Variants in GAREM1 observed in about 807,000 individuals in gnomAD.
The protein encoded by GAREM1 is GRB2-associated and regulator of MAPK protein 1.
A neutral mutation model predicts 71.3 loss-of-function variants in GAREM1; 26 were observed. The ratio of observed to expected loss-of-function variants is 0.36; its 90% CI spans 0.27 to 0.51. The LOEUF (loss-of-function observed/expected upper bound fraction) is 0.51. GAREM1 is among the 20% of genes least tolerant of loss of function. The probability of loss-of-function intolerance (pLI) is 0.95; values close to 1 mark genes in which losing one functional copy is unlikely to be tolerated. For missense variants in GAREM1, 1,026 were observed against 1,103.1 expected (o/e 0.93, Z 0.99); for synonymous variants, 440 against 433.2 (o/e 1.02, Z -0.20).
intron 2 of GAREM1, among the ~76,000 whole-genome samples, chr18:32,314,932 T>A (rs2047361665): frequency 6.6e-6 from 1 of 152,194 alleles, no homozygotes; most frequent in Non-Finnish European, 1.5e-5. Context: ...TGAACACATT[T>A]CAAGCTATCA....
At chr18:32,372,265 C>G (rs2047987770) in intron 2 of GAREM1, among the ~76,000 whole-genome samples, 1 of 152,166 alleles carries the variant, frequency 6.6e-6, no homozygotes, top group Non-Finnish European at 1.5e-5. Flanking sequence ...ATATTTACCC[C>G]AAGCCACCCT....
At chr18:32,465,385 T>G (rs2048989680) in intron 1 of GAREM1, among the ~76,000 whole-genome samples, 3 of 152,184 alleles carry the variant, frequency 2.0e-5, no homozygotes, top group Non-Finnish European at 4.4e-5. Context: ...GGGGCCTAAG[T>G]GTCCATGTTT....
intron 1 of GAREM1, among the ~76,000 whole-genome samples, chr18:32,454,165 C>T (rs949439044): frequency 2.6e-5 from 4 of 151,942 alleles, no homozygotes; most frequent in African/African-American, 9.7e-5. Flanking sequence ...TAGATTATCT[C>T]CCACCCTGTA....
At chr18:32,269,092 G>A (rs556605910) in intron 5 of GAREM1, among the ~76,000 whole-genome samples, 33 of 152,284 alleles carry the variant, frequency 2.2e-4, no homozygotes, top group African/African-American at 7.9e-4. Flanking sequence ...TGCACCAACA[G>A]GTGCCATGAT....
intron 3 of GAREM1, 87 bp downstream of exon 3, chr18:32,310,106 C>T (rs2047301602): frequency 2.1e-6 from 3 of 1,448,158 alleles, no homozygotes; most frequent in Admixed American, 3.8e-5. Context: ...CTAGGAGACA[C>T]AGATGAACAC....
intron 2 of GAREM1, among the ~76,000 whole-genome samples, chr18:32,330,809 T>C (rs1394959205): frequency 6.6e-6 from 1 of 152,086 alleles, no homozygotes; most frequent in Non-Finnish European, 1.5e-5. Flanking sequence ...TTATTTAATA[T>C]ATCAGGAAGG....
intron 2 of GAREM1, among the ~76,000 whole-genome samples, chr18:32,380,527 C>G (rs1394155402): frequency 1.4e-5 from 2 of 145,786 alleles, no homozygotes; most frequent in Non-Finnish European, 3.0e-5. Flanking sequence ...TAGCCTCTGT[C>G]TGTCCAAAAA....
At chr18:32,430,967 G>C (rs2048618766) in intron 1 of GAREM1, among the ~76,000 whole-genome samples, 1 of 152,170 alleles carries the variant, frequency 6.6e-6, no homozygotes, top group Non-Finnish European at 1.5e-5. Flanking sequence ...GGATATCACA[G>C]AGAGAAAGGA....
intron 4 of GAREM1, among the ~76,000 whole-genome samples, chr18:32,284,156 T>A (rs73956859): frequency 2.4e-3 from 368 of 152,210 alleles, no homozygotes; most frequent in African/African-American, 7.9e-3. Context: ...CCCACGCACA[T>A]CCTAAAAATG....
At chr18:32,306,464 C>CA (rs1033063787) in intron 3 of GAREM1, among the ~76,000 whole-genome samples, 1 of 138,424 alleles carries the variant, frequency 7.2e-6, no homozygotes, top group South Asian at 2.3e-4. Context: ...TTAGCAGCAA[C>CA]CCCCCCCACC....
intron 2 of GAREM1, among the ~76,000 whole-genome samples, chr18:32,315,986 T>A (rs928122831): frequency 6.6e-6 from 1 of 152,196 alleles, no homozygotes; most frequent in African/African-American, 2.4e-5. Flanking sequence ...GCGTCTGTGA[T>A]CTTGTACTAT....
chr18:32,378,509 A>C (rs533065528), intron 2 of GAREM1, among the ~76,000 whole-genome samples: 23 of 151,854 alleles, frequency 1.5e-4, no homozygotes, highest in South Asian at 8.3e-4. Flanking sequence ...GAAAAAAAAA[A>C]AAAAAACAAA....
chr18:32,308,793 A>G lies in GAREM1; in HGVS notation c.393+1400T>C, dbSNP rs774875468. ...TAGTAAAGATTTTACAAAATATAAA[A>G]TATCACTCATCTTAATAATAAAACT... On this transcript the variant is annotated intron_variant, in intron 3 of 5. Coordinates refer to ENST00000269209, the MANE Select transcript of GAREM1 (RefSeq NM_001242409.2). 1.7e-4 allele frequency among the ~76,000 whole-genome samples: 25 copies of G among 150,472 alleles called. 2 individuals are homozygous for G. The highest frequency in any genetic ancestry group is 3.1e-4 in the Non-Finnish European group (21 of 67,610).
At chr18:32,314,559 C>T (rs1262403780) in intron 2 of GAREM1, among the ~76,000 whole-genome samples, 1 of 151,748 alleles carries the variant, frequency 6.6e-6, no homozygotes. Flanking sequence ...AAGATGCATA[C>T]AGATTGTCAT....
At chr18:32,355,439 T>TA (rs1282565033) in intron 2 of GAREM1, among the ~76,000 whole-genome samples, 5 of 152,174 alleles carry the variant, frequency 3.3e-5, no homozygotes, top group Non-Finnish European at 7.4e-5. Flanking sequence ...CTATTTATGA[T>TA]ATTCATAAAT....
At chr18:32,453,474 C>T (rs1461108229) in intron 1 of GAREM1, among the ~76,000 whole-genome samples, 1 of 152,124 alleles carries the variant, frequency 6.6e-6, no homozygotes, top group African/African-American at 2.4e-5. Context: ...CTTTGAGGGT[C>T]CTAGGAGAGA....
chr18:32,376,574 A>G (rs202049793), intron 2 of GAREM1, among the ~76,000 whole-genome samples: 2 of 152,372 alleles, frequency 1.3e-5, no homozygotes, highest in East Asian at 3.9e-4. Context: ...GTGGTGGCTC[A>G]TGCCTGTAAT....
chr18:32,458,057 T>A (rs2048913951), intron 1 of GAREM1, among the ~76,000 whole-genome samples: 1 of 152,154 alleles, frequency 6.6e-6, no homozygotes, highest in South Asian at 2.1e-4. Flanking sequence ...CTAGTGTCTG[T>A]ACATAGATTC....
At position 32,446,114 on chromosome 18, in the gene GAREM1, AAATAC is replaced by A. The variant is rs545419739; in HGVS notation, c.121+24189_121+24193del. 2.3e-3 allele frequency among the ~76,000 whole-genome samples: 357 copies of A among 152,316 alleles called. 1 individual carries two copies. Among genetic ancestry groups the A allele is most frequent in the African/African-American group, 8.3e-3 (346 of 41,578 alleles). The stretch of plus-strand genomic sequence containing the variant: ...GTGCAGCAGAAATCTCTAATGACAC[AAATAC>A]AATAGTAATTATTCATTTCAAAACA... On this transcript the variant is annotated intron_variant, in intron 1 of 5. Coordinates refer to ENST00000269209, the MANE Select transcript of GAREM1 (RefSeq NM_001242409.2).
Sources: allele counts gnomAD v4.1 joint callset (sites outside exome capture counted in the v4.1 genomes callset), GRCh38; gene constraint gnomAD v4.1.1; transcripts MANE v1.5; gene names NCBI Gene and HGNC (gene_info 2026-07-23, HGNC 2026-07-21).